Variants in SH2D4A observed in about 807,000 individuals in gnomAD.
SH2D4A encodes the protein SH2 domain-containing protein 4A.
Under a neutral mutation model 64.7 loss-of-function variants are expected in SH2D4A, and 70 were observed. The observed-to-expected ratio is 1.08, with a 90% CI of 0.89 to 1.32. SH2D4A has a LOEUF of 1.32. Ranked by LOEUF, SH2D4A falls within the 40% of genes most tolerant of loss-of-function variation. The pLI is 0.00. For synonymous variants in SH2D4A, 268 were observed against 200.7 expected, an observed-to-expected ratio of 1.34 and a Z score of -2.83; for missense variants, 706 against 540.1, an observed-to-expected ratio of 1.31 and a Z score of -3.04.
rs533496695 is a variant in SH2D4A, at chr8:19,361,216, T to C, written c.608T>C (p.Met203Thr). ...GTTTTTAAACAGAAGAAAGAATCTA[T>C]GAAGAAAAAACAAGATGAAGAAATA... ...AYAFHQKKES[M>T]KKKQDEEINQ... Residue 203 changes from methionine (M) to threonine (T), a missense_variant, in exon 6 of 10, where the codon ATG (methionine) becomes ACG (threonine). Met to Thr is a moderately conservative substitution (Grantham distance 81). Coordinates refer to ENST00000265807, the MANE Select transcript of SH2D4A (RefSeq NM_022071.4). The C allele has an allele frequency of 6.6e-7, 1 of 1,522,930 alleles. No homozygotes were observed. Among genetic ancestry groups the C allele is most frequent in the South Asian group, 1.2e-5 (1 of 85,292 alleles). The allele number at this position is 1,522,930 out of a possible 1,614,324, so 94.3% of individuals were successfully genotyped here. A position where few individuals can be genotyped will look rare whatever the true frequency, so the allele number is the denominator to read the frequency against.
At chr8:19,353,674 GTTT>G (rs55989081) in intron 4 of SH2D4A, among the ~76,000 whole-genome samples, 4 of 105,174 alleles carry the variant, frequency 3.8e-5, no homozygotes, top group African/African-American at 3.8e-5. Context: ...GCCTCTAGCT[GTTT>G]TTTTTTTTTT....
At chr8:19,314,611 C>G (rs2052055108) in intron 1 of SH2D4A, among the ~76,000 whole-genome samples, 1 of 152,196 alleles carries the variant, frequency 6.6e-6, no homozygotes, top group Non-Finnish European at 1.5e-5. Context: ...AGAGAAGCAG[C>G]AAGCGTGGCA....
intron 8 of SH2D4A, among the ~76,000 whole-genome samples, chr8:19,388,404 G>C (rs932441858): frequency 2.6e-5 from 4 of 152,216 alleles, no homozygotes; most frequent in African/African-American, 7.2e-5. Context: ...TTCTGTCTGA[G>C]AGAATGGGTG....
intron 1 of SH2D4A, among the ~76,000 whole-genome samples, chr8:19,317,702 A>G (rs571176064): frequency 1.3e-5 from 2 of 152,260 alleles, no homozygotes; most frequent in African/African-American, 4.8e-5. Flanking sequence ...GGCATTACAA[A>G]TCTAACTGTA....
intron 2 of SH2D4A, among the ~76,000 whole-genome samples, chr8:19,320,998 T>C (rs938295581): frequency 2.0e-5 from 3 of 152,204 alleles, no homozygotes; most frequent in African/African-American, 7.2e-5. Flanking sequence ...AAAACTTTTT[T>C]CCAGTGATGC....
In SH2D4A at chr8:19,319,342, A is replaced by G; in HGVS notation, c.-204-2A>G. 8.2e-7 allele frequency: 1 copy of G among 1,219,376 alleles called. No homozygotes were observed. The highest frequency in any genetic ancestry group is 1.0e-6 in the Non-Finnish European group (1 of 979,288). The allele number at this position is 1,219,376 out of a possible 1,614,324, so 75.5% of individuals were successfully genotyped here. A position where few individuals can be genotyped will look rare whatever the true frequency, so the allele number is the denominator to read the frequency against. Reference sequence around the variant, plus strand: ...CTGAATGTGGGCTCTTTCTCTCTGCAGGTTCAGTGAACAGCATTTTGGACA... The same window carrying G: ...CTGAATGTGGGCTCTTTCTCTCTGCGGGTTCAGTGAACAGCATTTTGGACA... On this transcript the variant is annotated splice_acceptor_variant, in intron 1 of 9. Transcript: ENST00000265807. LOFTEE classifies it low-confidence loss of function (5UTR_SPLICE).
chr8:19,354,732 C>CA (rs1378850819), intron 4 of SH2D4A, among the ~76,000 whole-genome samples: 1 of 152,138 alleles, frequency 6.6e-6, no homozygotes, highest in Non-Finnish European at 1.5e-5. Context: ...GCATTGTGTT[C>CA]AAAGCACTGT....
At chr8:19,342,399 G>A (rs530580406) in intron 4 of SH2D4A, among the ~76,000 whole-genome samples, 27 of 152,320 alleles carry the variant, frequency 1.8e-4, no homozygotes, top group African/African-American at 6.5e-4. Flanking sequence ...GAATGCTGAG[G>A]CCAGCCTCAA....
intron 8 of SH2D4A, among the ~76,000 whole-genome samples, chr8:19,384,899 A>G (rs1222401066): frequency 2.6e-5 from 4 of 152,300 alleles, no homozygotes; most frequent in Non-Finnish European, 5.9e-5. Context: ...AAGATGGGTA[A>G]AAAGAAATCT....
intron 8 of SH2D4A, among the ~76,000 whole-genome samples, chr8:19,389,215 C>T (rs1271478401): frequency 6.6e-6 from 1 of 152,202 alleles, no homozygotes; most frequent in Non-Finnish European, 1.5e-5. Context: ...ACTTGGATTT[C>T]CAACCAGAGC....
chr8:19,359,827 TA>T (rs1015328403), intron 5 of SH2D4A, among the ~76,000 whole-genome samples: 6 of 150,818 alleles, frequency 4.0e-5, no homozygotes, highest in Non-Finnish European at 8.8e-5. Context: ...TTCACAATAT[TA>T]ATGTTTATAC....
At position 19,333,049 on chromosome 8, in the gene SH2D4A, G is replaced by A; in HGVS notation, c.276G>A (p.Val92=). The A allele has an allele frequency of 6.2e-7, 1 of 1,614,042 alleles. No individual in the cohort carries two copies. Among genetic ancestry groups the A allele is most frequent in the Non-Finnish European group, 8.5e-7 (1 of 1,179,986 alleles). ...GEHHLDKPYD[V]LCNEIIAERA... is the part of the protein sequence containing the mutation. ...ACCATCTAGATAAACCCTATGATGT[G>A]CTCTGTAATGAAATTATTGCTGAGA... is the stretch of plus-strand genomic sequence containing the variant. The change falls in exon 3 of 10, where the codon GTG becomes GTA. Residue 92 remains valine, a synonymous_variant. Coordinates refer to ENST00000265807, the MANE Select transcript of SH2D4A (RefSeq NM_022071.4).
intron 4 of SH2D4A, among the ~76,000 whole-genome samples, chr8:19,345,722 G>A (rs74362816): frequency 0.14 from 20,610 of 152,188 alleles, 1,661 homozygotes; most frequent in African/African-American, 0.21. Flanking sequence ...CAGTTTCTGT[G>A]GTTTTAACCA....
At chr8:19,314,253 A>G (rs1161177789) in intron 1 of SH2D4A, among the ~76,000 whole-genome samples, 1 of 152,168 alleles carries the variant, frequency 6.6e-6, no homozygotes, top group Admixed American at 6.5e-5. Flanking sequence ...GGGCTGGCCT[A>G]GAGTTTCTAG....
intron 4 of SH2D4A, among the ~76,000 whole-genome samples, chr8:19,351,782 A>C (rs1375856334): frequency 6.6e-6 from 1 of 151,906 alleles, no homozygotes. Flanking sequence ...GTACAACCCT[A>C]CCATTATTAT....
chr8:19,363,955 A>G, intron 6 of SH2D4A, 117 bp from the exon 7 acceptor site: 1 of 884,590 alleles, frequency 1.1e-6, no homozygotes, highest in Non-Finnish European at 1.7e-6. Context: ...TCCTTATTAT[A>G]AGCAGACAAC....
At chr8:19,316,492 C>T (rs948977725) in intron 1 of SH2D4A, among the ~76,000 whole-genome samples, 5 of 152,134 alleles carry the variant, frequency 3.3e-5, no homozygotes, top group Non-Finnish European at 5.9e-5. Flanking sequence ...CTGGTGAATA[C>T]GTGGGTAAGC....
intron 8 of SH2D4A, among the ~76,000 whole-genome samples, chr8:19,389,510 T>C (rs1403687122): frequency 6.6e-6 from 1 of 152,118 alleles, no homozygotes; most frequent in African/African-American, 2.4e-5. Context: ...TGCTGCTGTT[T>C]TGTAGGGTGT....
chr8:19,326,678 AGT>A (rs1310593501), intron 2 of SH2D4A, among the ~76,000 whole-genome samples: 1 of 143,180 alleles, frequency 7.0e-6, no homozygotes, highest in African/African-American at 2.8e-5. Flanking sequence ...GTGTGTGTGT[AGT>A]GTGTGTGAGA....
Sources: allele counts gnomAD v4.1 joint callset (sites outside exome capture counted in the v4.1 genomes callset), GRCh38; gene constraint gnomAD v4.1.1; transcripts MANE v1.5; gene names NCBI Gene and HGNC (gene_info 2026-07-23, HGNC 2026-07-21).